Variants in MAPK8IP3 observed in about 807,000 individuals in gnomAD.
MAPK8IP3 encodes the protein C-Jun-amino-terminal kinase-interacting protein 3.
Under a neutral mutation model 157.8 loss-of-function variants are expected in MAPK8IP3, and 49 were observed. That is an observed-to-expected ratio of 0.31 (90% CI 0.25 to 0.39). The LOEUF is 0.39. Among genes scored for constraint, MAPK8IP3 ranks in the 10% least tolerant of loss-of-function variants. The probability of loss-of-function intolerance (pLI) is 1.00; values close to 1 mark genes in which losing one functional copy is unlikely to be tolerated. For missense variants in MAPK8IP3, 1,478 were observed against 1,889.4 expected (o/e 0.78, Z 4.04); for synonymous variants, 897 against 777.7 (o/e 1.15, Z -2.55).
At chr16:1,748,998 C>T (rs111673005) in intron 8 of MAPK8IP3, 2 of 529,834 alleles carry the variant, frequency 3.8e-6, no homozygotes, top group African/African-American at 3.8e-5. Context: ...TCTAAATCAC[C>T]TCTAGGTTAT....
chr16:1,743,846 C>A lies in MAPK8IP3; in HGVS notation c.747+370C>A. 1 of 1,114,980 alleles carries A rather than the reference C, an allele frequency of 9.0e-7. No homozygotes were observed. The highest frequency in any genetic ancestry group is 3.9e-4 in the Middle Eastern group (1 of 2,562). 69.1% of individuals were successfully genotyped at this position (1,114,980 alleles called of 1,614,324 possible). A position where few individuals can be genotyped will look rare whatever the true frequency, so the allele number is the denominator to read the frequency against. ...GCCTCATGCTCACCCGGGCTCCAGC[C>A]AGACACATCCTGCCCCTGAGAGCCA... is the stretch of plus-strand genomic sequence containing the variant. On this transcript the variant is annotated intron_variant, in intron 5 of 31. Transcript: ENST00000610761. This position sits in a 1 kb window ranked among gnomAD's most constrained non-coding sequence, Gnocchi z 5.6.
chr16:1,750,202 GTTTA>G (rs370041068), intron 8 of MAPK8IP3, among the ~76,000 whole-genome samples: 71 of 151,778 alleles, frequency 4.7e-4, no homozygotes, highest in South Asian at 6.2e-4. Flanking sequence ...TTCAGATAAT[GTTTA>G]TTTATTTATT....
intron 11 of MAPK8IP3, 55 bp from the exon 12 acceptor site, chr16:1,760,325 T>C: frequency 1.9e-6 from 3 of 1,565,984 alleles, no homozygotes; most frequent in Non-Finnish European, 2.6e-6. Flanking sequence ...GCAAGGCCCC[T>C]TCACGTACCT....
intron 8 of MAPK8IP3, among the ~76,000 whole-genome samples, chr16:1,754,178 A>G (rs2041461884): frequency 2.0e-5 from 3 of 152,046 alleles, no homozygotes; most frequent in Non-Finnish European, 4.4e-5. Context: ...TGTCTCAAAA[A>G]AAAAAAAAAA....
intron 1 of MAPK8IP3, among the ~76,000 whole-genome samples, chr16:1,720,032 C>G (rs1239308460): frequency 6.6e-6 from 1 of 152,106 alleles, no homozygotes; most frequent in African/African-American, 2.4e-5. Context: ...CGTGTGTGCA[C>G]ACAGCTTTTG....
rs770069094 is a variant in MAPK8IP3 at position 1,761,324 on chromosome 16, CTTCACATGCGGGGCGTCCACCATTCACTT to C, written c.1539+26_1539+54del. 1 of 1,606,204 alleles carries C rather than the reference CTTCACATGCGGGGCGTCCACCATTCACTT, an allele frequency of 6.2e-7. No homozygotes were observed. The highest frequency in any genetic ancestry group is 1.1e-5 in the South Asian group (1 of 90,990). ...AGAATCGGTACATCCACTCTTCACTCTTCACATGCGGGGCGTCCACCATTCACTTTTCACAGGCGGGGCGGCCACCGTTC... is the reference window on the plus strand; with the variant it reads ...AGAATCGGTACATCCACTCTTCACTCTTCACAGGCGGGGCGGCCACCGTTC... On this transcript the variant is annotated intron_variant, in intron 13 of 31. Transcript: ENST00000610761.
chr16:1,709,466 A>G (rs1340045725), intron 1 of MAPK8IP3, among the ~76,000 whole-genome samples: 3 of 152,244 alleles, frequency 2.0e-5, no homozygotes, highest in Non-Finnish European at 4.4e-5. Context: ...TGCCTGGAGA[A>G]TTGTGGGCAG....
chr16:1,737,802 G>C (rs2040131866), intron 4 of MAPK8IP3, among the ~76,000 whole-genome samples: 1 of 107,216 alleles, frequency 9.3e-6, no homozygotes, highest in East Asian at 3.5e-4. Flanking sequence ...GCATCCATGT[G>C]ACCGTCCGTG....
chr16:1,733,179 G>T (rs2039427203), intron 4 of MAPK8IP3, among the ~76,000 whole-genome samples: 2 of 152,170 alleles, frequency 1.3e-5, no homozygotes, highest in Non-Finnish European at 2.9e-5. Flanking sequence ...ACCTTCAGCT[G>T]CCTCCTTGCC....
At chr16:1,731,904 C>T (rs943917034) in intron 4 of MAPK8IP3, among the ~76,000 whole-genome samples, 3 of 152,200 alleles carry the variant, frequency 2.0e-5, no homozygotes, top group Non-Finnish European at 4.4e-5. Context: ...TTGGCCAGCC[C>T]TGCACTGAGT....
chr16:1,724,197 T>C lies in MAPK8IP3; in HGVS notation c.319-360T>C, dbSNP rs558658101. ...AAGATGGCAGCAGCCAAGCCAAGCA[T>C]TGGGCCTTCTGAGTGCAGGGCCCCG... On this transcript the variant is annotated intron_variant, in intron 1 of 31. Coordinates refer to ENST00000610761, the MANE Select transcript of MAPK8IP3 (RefSeq NM_001318852.2). This position sits in a 1 kb window ranked among gnomAD's most constrained non-coding sequence, Gnocchi z 4.1. Among the ~76,000 whole-genome samples, 15 of 152,376 alleles carry C rather than the reference T, an allele frequency of 9.8e-5. No individual in the cohort carries two copies. In the South Asian group the frequency reaches 1.7e-3, roughly 17 times the overall value.
intron 2 of MAPK8IP3, among the ~76,000 whole-genome samples, chr16:1,728,748 C>A (rs572455571): frequency 6.8e-6 from 1 of 146,632 alleles, no homozygotes; most frequent in South Asian, 2.2e-4. Context: ...CACGCAGCAG[C>A]CCCCCAGACG....
intron 1 of MAPK8IP3, among the ~76,000 whole-genome samples, chr16:1,708,265 A>G (rs2037528394): frequency 6.6e-6 from 1 of 152,188 alleles, no homozygotes; most frequent in African/African-American, 2.4e-5. Context: ...ACTTGCTTCC[A>G]TGTCAGGCAG....
rs1490995720 is a variant in MAPK8IP3 at position 1,760,609 on chromosome 16, C to G, written c.1457+77C>G. The G allele has an allele frequency of 5.2e-6, 8 of 1,526,726 alleles. No individual in the cohort carries two copies. The East Asian group carries it at 1.6e-4, about 30-fold the overall frequency. The allele number at this position is 1,526,726 out of a possible 1,614,324, so 94.6% of individuals were successfully genotyped here. On this transcript the variant is annotated intron_variant, in intron 12 of 31. Transcript: ENST00000610761. ...TCTGGAGTGGCTGCCTCCTCCAGTGCCTGCTCTCCAGCCTGAGCGGCTCTG... is the reference window on the plus strand; with the variant it reads ...TCTGGAGTGGCTGCCTCCTCCAGTGGCTGCTCTCCAGCCTGAGCGGCTCTG...
chr16:1,729,319 C>A, intron 3 of MAPK8IP3, 111 bp downstream of exon 3: 1 of 1,343,788 alleles, frequency 7.4e-7, no homozygotes, highest in Non-Finnish European at 1.1e-6. Flanking sequence ...CCTTTTCTAG[C>A]ATTTGCTGCC....
At position 1,743,582 on chromosome 16, in the gene MAPK8IP3, G is replaced by A; in HGVS notation, c.747+106G>A. 1 of 1,493,148 alleles carries A rather than the reference G, an allele frequency of 6.7e-7. No individual in the cohort carries two copies. 92.5% of individuals were successfully genotyped at this position (1,493,148 alleles called of 1,614,324 possible). A position where few individuals can be genotyped will look rare whatever the true frequency, so the allele number is the denominator to read the frequency against. On this transcript the variant is annotated intron_variant, in intron 5 of 31. Transcript: ENST00000610761. This position sits in a 1 kb window ranked among gnomAD's most constrained non-coding sequence, Gnocchi z 5.6. ...CAGGCAGCCCTTCACGGCTCTCTGGGCCACTCGCCCTCTCCCTTCGTGTGT... is the reference window on the plus strand; with the variant it reads ...CAGGCAGCCCTTCACGGCTCTCTGGACCACTCGCCCTCTCCCTTCGTGTGT...
At position 1,724,858 on chromosome 16, in the gene MAPK8IP3, G is replaced by A. The variant is rs2038766424; in HGVS notation, c.439+181G>A. 1.3e-5 allele frequency among the ~76,000 whole-genome samples: 2 copies of A among 152,218 alleles called. No homozygotes were observed. Among genetic ancestry groups the A allele is most frequent in the Admixed American group, 6.5e-5 (1 of 15,288 alleles). On this transcript the variant is annotated intron_variant, in intron 2 of 31. Coordinates refer to ENST00000610761, the MANE Select transcript of MAPK8IP3 (RefSeq NM_001318852.2). This position sits in a 1 kb window ranked among gnomAD's most constrained non-coding sequence, Gnocchi z 4.1. ...GTTTCTGTAATGGGCCCCAGATTGT[G>A]TGTGGAAATAAGTAAATCAGGCCAC...
chr16:1,766,030 C>G lies in MAPK8IP3; in HGVS notation c.2517C>G (p.Gly839=), dbSNP rs770361623. ...LDSDVNPEDP[G]ADGVLAGITL... ...GCGACGTGAACCCAGAGGACCCGGG[C>G]GCAGATGGCGTGCTGGCCGGTATCA... Residue 839 remains glycine, a synonymous_variant, in exon 21 of 32, where the codon GGC becomes GGG. Transcript: ENST00000610761. The G allele has an allele frequency of 1.2e-6, 2 of 1,612,834 alleles. No homozygotes were observed. The highest frequency in any genetic ancestry group is 1.7e-6 in the Non-Finnish European group (2 of 1,179,952).
intron 8 of MAPK8IP3, 72 bp downstream of exon 8, chr16:1,748,792 T>C (rs1167054004): frequency 7.3e-7 from 1 of 1,364,954 alleles, no homozygotes; most frequent in Non-Finnish European, 1.0e-6. Flanking sequence ...GTTTTGTTTG[T>C]AATGAAAGGA....
Sources: gnomAD v4.1 joint callset for allele counts (sites outside exome capture counted in the v4.1 genomes callset) on GRCh38, gnomAD v4.1.1 for gene constraint, Gnocchi (gnomAD v3.1) non-coding constraint, MANE v1.5 for transcripts, NCBI Gene and HGNC (gene_info 2026-07-23, HGNC 2026-07-21) for gene names.